Variants in PHYKPL observed in about 807,000 individuals in gnomAD.
PHYKPL encodes 5-phosphonooxy-L-lysine phospho-lyase.
A neutral mutation model predicts 51.3 loss-of-function variants in PHYKPL; 42 were observed. That is an observed-to-expected ratio of 0.82 (90% CI 0.64 to 1.06). The LOEUF is 1.06. Ranked by LOEUF, PHYKPL falls within the 50% of genes least tolerant of loss-of-function variation. The pLI is 0.00. For missense variants in PHYKPL, 655 were observed against 586.6 expected (o/e 1.12, Z -1.20); for synonymous variants, 264 against 236.0 (o/e 1.12, Z -1.09).
intron 2 of PHYKPL, among the ~76,000 whole-genome samples, chr5:178,231,200 T>C (rs559021933): frequency 6.6e-6 from 1 of 152,308 alleles, no homozygotes; most frequent in African/African-American, 2.4e-5. Context: ...CAGACCTAGA[T>C]TGCTGACCCC....
chr5:178,209,264 G>A, intron 12 of PHYKPL: 1 of 1,200,240 alleles, frequency 8.3e-7, no homozygotes, highest in Non-Finnish European at 1.2e-6. Context: ...TCGCAGTGAA[G>A]GTGTTTGGGC....
intron 8 of PHYKPL, among the ~76,000 whole-genome samples, chr5:178,221,242 C>G (rs1761120286): frequency 6.6e-6 from 1 of 152,166 alleles, no homozygotes; most frequent in South Asian, 2.1e-4. Flanking sequence ...AGTCAGGATG[C>G]TGCTCCACTG....
intron 3 of PHYKPL, 32 bp from the exon 4 acceptor site, chr5:178,225,461 A>C: frequency 6.2e-7 from 1 of 1,611,354 alleles, no homozygotes; most frequent in Non-Finnish European, 8.5e-7. Flanking sequence ...TGACTGAGAG[A>C]GTAGTCTAAG....
intron 6 of PHYKPL, chr5:178,223,308 G>C: frequency 2.2e-6 from 1 of 452,178 alleles, no homozygotes; most frequent in Non-Finnish European, 4.4e-6. Flanking sequence ...CTTGCCCTCT[G>C]CCTGGACATG....
intron 3 of PHYKPL, among the ~76,000 whole-genome samples, chr5:178,227,783 A>T (rs1762581819): frequency 6.6e-6 from 1 of 152,216 alleles, no homozygotes; most frequent in Non-Finnish European, 1.5e-5. Context: ...CAAGAATAAA[A>T]GTAGAAGGAG....
At chr5:178,211,759 A>G in intron 12 of PHYKPL, 131 bp downstream of exon 12, 1 of 635,766 alleles carries the variant, frequency 1.6e-6, no homozygotes, top group Non-Finnish European at 2.8e-6. Flanking sequence ...GAAGAAACTA[A>G]CCTTTGGGAA....
chr5:178,209,252 T>C (rs1043851495), intron 12 of PHYKPL: 34 of 1,086,870 alleles, frequency 3.1e-5, no homozygotes, highest in Middle Eastern at 4.0e-4. Context: ...ATTTGATGTT[T>C]GTCGCAGTGA....
Position 178,211,984 on chromosome 5 carries a change from C to CAA in PHYKPL, c.1304-16_1304-15dup, listed in dbSNP as rs777362904. On this transcript the variant is annotated splice_polypyrimidine_tract_variant and intron_variant, in intron 11 of 12. Coordinates refer to ENST00000308158, the MANE Select transcript of PHYKPL (RefSeq NM_153373.4). ...TCTCTTCCATGTCTGAAAAAGACCACAAAGCAATGCCGACTCAGTCACCTT... is the reference window on the plus strand; with the variant it reads ...TCTCTTCCATGTCTGAAAAAGACCACAAAAAGCAATGCCGACTCAGTCACCTT... 6.2e-7 allele frequency: 1 copy of CAA among 1,614,122 alleles called. No individual in the cohort carries two copies.
intron 3 of PHYKPL, among the ~76,000 whole-genome samples, chr5:178,228,875 C>T (rs563628632): frequency 5.9e-5 from 9 of 152,272 alleles, no homozygotes; most frequent in African/African-American, 1.2e-4. Flanking sequence ...TTAAAGCCTC[C>T]GATAGTTTCC....
chr5:178,214,022 G>C (rs1325414253), intron 10 of PHYKPL, among the ~76,000 whole-genome samples: 1 of 152,194 alleles, frequency 6.6e-6, no homozygotes, highest in Non-Finnish European at 1.5e-5. Flanking sequence ...GCTCCTGGGA[G>C]GGGGGTAGGA....
intron 3 of PHYKPL, among the ~76,000 whole-genome samples, chr5:178,227,017 G>T (rs1561737523): frequency 6.6e-6 from 1 of 152,126 alleles, no homozygotes; most frequent in Non-Finnish European, 1.5e-5. Flanking sequence ...TACGATGGAT[G>T]CCCTGGGAGA....
At chr5:178,210,548 C>T (rs778161653) in intron 12 of PHYKPL, 1 of 1,613,620 alleles carries the variant, frequency 6.2e-7, no homozygotes, top group African/African-American at 1.3e-5. Flanking sequence ...TGTTCTCGTC[C>T]CTAGGTCAGG....
rs750707249 is a variant in PHYKPL at position 178,224,445 on chromosome 5, T to A, written c.618+3A>T. On this transcript the variant is annotated splice_donor_region_variant and intron_variant, in intron 6 of 12. Coordinates refer to ENST00000308158, the MANE Select transcript of PHYKPL (RefSeq NM_153373.4). Reference sequence around the variant, plus strand: ...TGGATTGGACAGGCGCGGACACGGTTACCTTCCTGCCCTTCTCCTGTGCAC... The same window carrying A: ...TGGATTGGACAGGCGCGGACACGGTAACCTTCCTGCCCTTCTCCTGTGCAC... 1.9e-6 allele frequency: 3 copies of A among 1,570,064 alleles called. No individual in the cohort carries two copies. The Admixed American group carries it at 5.3e-5, about 28-fold the overall frequency.
chr5:178,224,326 A>T (rs780731517), intron 6 of PHYKPL, 122 bp downstream of exon 6: 33 of 1,108,128 alleles, frequency 3.0e-5, no homozygotes, highest in South Asian at 8.2e-5. Flanking sequence ...CCTATCCCAG[A>T]TTCCTGGAGG....
intron 4 of PHYKPL, 135 bp from the exon 5 acceptor site, chr5:178,224,864 C>G (rs184632805): frequency 1.5e-6 from 1 of 661,504 alleles, no homozygotes; most frequent in East Asian, 2.8e-5. Flanking sequence ...AGTTCTTGGG[C>G]TGGGAAAGAG....
chr5:178,232,461 GC>G (rs949749471), intron 1 of PHYKPL, 30 bp downstream of exon 1: 11 of 1,355,860 alleles, frequency 8.1e-6, no homozygotes, highest in African/African-American at 7.7e-5. Flanking sequence ...GCAGCCCCGC[GC>G]CCCCCGCCGC....
downstream of PHYKPL, among the ~76,000 whole-genome samples, chr5:178,207,898 T>C (rs1032172197): frequency 1.3e-5 from 2 of 152,008 alleles, no homozygotes; most frequent in African/African-American, 4.8e-5. Context: ...GGTCTCACCA[T>C]GTTGCCTGGG....
chr5:178,215,864 AGG>A, intron 8 of PHYKPL: 1 of 162,224 alleles, frequency 6.2e-6, no homozygotes, highest in Admixed American at 6.4e-5. Flanking sequence ...ACACCCCTGG[AGG>A]GCTCTGGCTC....
chr5:178,232,590 G>A lies in PHYKPL; in HGVS notation c.-40C>T, dbSNP rs1351892905. The A allele has an allele frequency of 2.0e-5, 25 of 1,249,256 alleles. No homozygotes were observed. The highest frequency in any genetic ancestry group is 4.2e-5 in the Admixed American group (1 of 23,622). The allele number at this position is 1,249,256 out of a possible 1,614,324, so 77.4% of individuals were successfully genotyped here. ...AGTCGGTGCCGTGACGCCACGCGGA[G>A]ACGTCGCCGCGCGGGCTGGGCCTCC... On this transcript the variant is annotated 5_prime_UTR_variant, in exon 1 of 13. Coordinates refer to ENST00000308158, the MANE Select transcript of PHYKPL (RefSeq NM_153373.4).
Sources: allele counts gnomAD v4.1 joint callset (sites outside exome capture counted in the v4.1 genomes callset), GRCh38; gene constraint gnomAD v4.1.1; transcripts MANE v1.5; gene names NCBI Gene and HGNC (gene_info 2026-07-23, HGNC 2026-07-21).